The following AKT2 variants were observed in gnomAD, a reference collection of about 807,000 sequenced individuals.
The protein encoded by AKT2 is RAC-beta serine/threonine-protein kinase.
A neutral mutation model predicts 58.6 loss-of-function variants in AKT2; 16 were observed. The observed-to-expected ratio is 0.27, with a 90% CI of 0.18 to 0.41. The LOEUF (loss-of-function observed/expected upper bound fraction) is 0.41. Ranked by LOEUF, AKT2 falls within the 10% of genes least tolerant of loss-of-function variation. The pLI is 1.00. For missense variants in AKT2, 438 were observed against 661.0 expected, an observed-to-expected ratio of 0.66 and a Z score of 3.70; for synonymous variants, 253 against 254.0, an observed-to-expected ratio of 1.00 and a Z score of 0.04.
At position 40,238,800 on chromosome 19, in the gene AKT2, T is replaced by G; in HGVS notation, c.708+105A>C. 7.9e-7 allele frequency: 1 copy of G among 1,273,702 alleles called. No individual in the cohort carries two copies. The highest frequency in any genetic ancestry group is 1.1e-6 in the Non-Finnish European group (1 of 873,558). 78.9% of individuals were successfully genotyped at this position (1,273,702 alleles called of 1,614,324 possible). A position where few individuals can be genotyped will look rare whatever the true frequency, so the allele number is the denominator to read the frequency against. The stretch of plus-strand genomic sequence containing the variant: ...AAGGGAGAGGGGCACTAGATGACAC[T>G]GAAATTTCCCTCCACCCTTCCATCT... On this transcript the variant is annotated intron_variant, in intron 8 of 13. Transcript: ENST00000392038. This position sits in a 1 kb window ranked among gnomAD's most constrained non-coding sequence, Gnocchi z 5.1.
Position 40,265,678 on chromosome 19 carries a change from T to C in AKT2, c.-84-327A>G, listed in dbSNP as rs531154971. On this transcript the variant is annotated intron_variant, in intron 1 of 13. Transcript: ENST00000392038. ...AGCAAGCATCAAGGTAGCCGTGCCC[T>C]GCCCTCCCCGTGTCATTCCCATGGC... The C allele has an allele frequency of 6.6e-5, 22 of 335,686 alleles. 1 individual carries two copies. Among genetic ancestry groups the C allele is most frequent in the South Asian group, 6.3e-4 (22 of 34,796 alleles). 20.8% of individuals were successfully genotyped at this position (335,686 alleles called of 1,614,324 possible).
chr19:40,268,431 T>C (rs1211785646), intron 1 of AKT2, among the ~76,000 whole-genome samples: 1 of 152,060 alleles, frequency 6.6e-6, no homozygotes, highest in Non-Finnish European at 1.5e-5. Flanking sequence ...GTGGTCTGGG[T>C]TCCAGAGTCC....
At chr19:40,274,572 C>T (rs865949987) in intron 1 of AKT2, 9 of 164,020 alleles carry the variant, frequency 5.5e-5, no homozygotes, top group East Asian at 1.7e-4. Flanking sequence ...AAGGAGCACA[C>T]GGAAGATTCA....
chr19:40,279,317 C>G (rs1485840533), intron 1 of AKT2: 1 of 152,642 alleles, frequency 6.6e-6, no homozygotes, highest in Non-Finnish European at 1.5e-5. Context: ...CCACCCAGCG[C>G]CCCTCCCACA....
chr19:40,280,260 GT>G (rs1405310264), intron 1 of AKT2, among the ~76,000 whole-genome samples: 3 of 152,200 alleles, frequency 2.0e-5, no homozygotes, highest in Non-Finnish European at 4.4e-5. Flanking sequence ...GGCTGGTTGG[GT>G]TGGGGAGGAA....
chr19:40,281,640 TC>T (rs2077426075), intron 1 of AKT2, among the ~76,000 whole-genome samples: 1 of 152,190 alleles, frequency 6.6e-6, no homozygotes, highest in Non-Finnish European at 1.5e-5. Flanking sequence ...ATTGCATGTC[TC>T]CCCCGACCTC....
Position 40,232,379 on chromosome 19 carries a change from CGAG to C in AKT2, c.*1490_*1492del. ...TGCTTGTACCGTACAAATATGAAGA[CGAG>C]GAGAAAGGCCAGTAGGGACGGAGAA... On this transcript the variant is annotated 3_prime_UTR_variant, in exon 14 of 14. Transcript: ENST00000392038. 1 of 233,582 alleles carries C rather than the reference CGAG, an allele frequency of 4.3e-6. No individual in the cohort carries two copies. Among genetic ancestry groups the C allele is most frequent in the Non-Finnish European group, 8.5e-6 (1 of 118,076 alleles). The allele number at this position is 233,582 out of a possible 1,614,324, so 14.5% of individuals were successfully genotyped here. A position where few individuals can be genotyped will look rare whatever the true frequency, so the allele number is the denominator to read the frequency against.
intron 1 of AKT2, among the ~76,000 whole-genome samples, chr19:40,277,270 C>T (rs553814667): frequency 6.6e-6 from 1 of 152,330 alleles, no homozygotes; most frequent in African/African-American, 2.4e-5. Context: ...CAACATGCCC[C>T]TACTAACTTT....
chr19:40,258,018 G>T (rs1160678581), intron 2 of AKT2, among the ~76,000 whole-genome samples: 1 of 151,832 alleles, frequency 6.6e-6, no homozygotes, highest in Admixed American at 6.6e-5. Context: ...AGGCCGAGGC[G>T]AGCGGATCAC....
intron 6 of AKT2, chr19:40,240,750 A>T (rs1287502031): frequency 1.1e-5 from 2 of 178,526 alleles, no homozygotes; most frequent in Non-Finnish European, 2.4e-5. Flanking sequence ...GTTTATCCCC[A>T]GGGGACACCT....
chr19:40,247,578 C>T (rs1974832248), intron 4 of AKT2, among the ~76,000 whole-genome samples: 1 of 152,148 alleles, frequency 6.6e-6, no homozygotes. Flanking sequence ...TCATGGGACA[C>T]CCAGCCAGGG....
rs1168021842 is a variant in AKT2 at position 40,249,068 on chromosome 19, TGGA to T, written c.287+6087_287+6089del. On this transcript the variant is annotated intron_variant, in intron 4 of 13. Transcript: ENST00000392038. The stretch of plus-strand genomic sequence containing the variant: ...TGGAGGAGATGAGGACAGGGAGGAG[TGGA>T]GGAGATGAGGACAGGGAGGAGAGCA... Among the ~76,000 whole-genome samples, 4 of 142,114 alleles carry T rather than the reference TGGA, an allele frequency of 2.8e-5. No individual in the cohort carries two copies. The South Asian group carries it at 9.0e-4, about 32-fold the overall frequency. The allele number at this position is 142,114 out of a possible 152,430, so 93.2% of individuals were successfully genotyped here.
Position 40,242,113 on chromosome 19 carries a change from T to G in AKT2, c.442-44A>C. On this transcript the variant is annotated intron_variant, in intron 5 of 13. Transcript: ENST00000392038. The surrounding 1 kb of genome is among the most constrained non-coding windows in gnomAD (Gnocchi z 4.3). ...GTGGGGGCAGTCAGCGCCTGGCTCA[T>G]GGCCCGTGGGAGGAAATTTTAACAA... 2 of 1,613,432 alleles carry G rather than the reference T, an allele frequency of 1.2e-6. No individual in the cohort carries two copies. Among genetic ancestry groups the G allele is most frequent in the Non-Finnish European group, 1.7e-6 (2 of 1,179,804 alleles).
rs1599947245 is a variant in AKT2 at position 40,234,630 on chromosome 19, T to G, written c.1366+415A>C. 5 of 528,066 alleles carry G rather than the reference T, an allele frequency of 9.5e-6. No homozygotes were observed. In the South Asian group the frequency reaches 1.2e-4, roughly 12 times the overall value. 32.7% of individuals were successfully genotyped at this position (528,066 alleles called of 1,614,324 possible). ...CCCCAGTCCCTGGCCTCCCACGCCC[T>G]AGCCCTGACCACTCCAGGCCGCCCA... On this transcript the variant is annotated intron_variant, in intron 13 of 13. Coordinates refer to ENST00000392038, the MANE Select transcript of AKT2 (RefSeq NM_001626.6). The surrounding 1 kb of genome is among the most constrained non-coding windows in gnomAD (Gnocchi z 4.7).
intron 1 of AKT2, among the ~76,000 whole-genome samples, chr19:40,283,989 G>C (rs965215876): frequency 6.6e-6 from 1 of 152,182 alleles, no homozygotes; most frequent in African/African-American, 2.4e-5. Context: ...GTCTGCGTTG[G>C]TTCCTGGACC....
In AKT2 at chr19:40,242,393, T is replaced by G; in HGVS notation, c.441+141A>C. 1.5e-6 allele frequency: 2 copies of G among 1,361,188 alleles called. No individual in the cohort carries two copies. The highest frequency in any genetic ancestry group is 1.2e-5 in the South Asian group (1 of 85,082). 84.3% of individuals were successfully genotyped at this position (1,361,188 alleles called of 1,614,324 possible). On this transcript the variant is annotated intron_variant, in intron 5 of 13. Transcript: ENST00000392038. This position sits in a 1 kb window ranked among gnomAD's most constrained non-coding sequence, Gnocchi z 4.3. ...AGCACACCCTAGGGCACCTGCCACC[T>G]GAAATCACCCCACCCTGCAGGGCAG...
intron 1 of AKT2, among the ~76,000 whole-genome samples, chr19:40,276,441 C>A (rs1006648762): frequency 7.5e-6 from 1 of 132,852 alleles, no homozygotes; most frequent in Non-Finnish European, 1.5e-5. Flanking sequence ...TCTTGGCTCA[C>A]TGCAACCTCT....
intron 1 of AKT2, among the ~76,000 whole-genome samples, chr19:40,278,638 C>T (rs1397901982): frequency 1.3e-5 from 2 of 152,060 alleles, no homozygotes; most frequent in Non-Finnish European, 1.5e-5. Context: ...GGACCAACAA[C>T]GAGCCTGTGC....
At position 40,235,915 on chromosome 19, in the gene AKT2, G is replaced by T; in HGVS notation, c.1150C>A (p.Leu384Met). ...SPEAKSLLAG[L>M]LKKDPKQRLG... ...CTCTGCTTGGGGTCCTTCTTAAGCA[G>T]CCCAGCAAGCAGGGACTTGGCCTCG... The change falls in exon 11 of 14, where the codon CTG becomes ATG. Residue 384 changes from leucine to methionine, a missense_variant. Around this residue, in one of 3 missense-constraint regions of AKT2, gnomAD observed 148 missense variants for 199.5 expected, o/e 0.74. Transcript: ENST00000392038. The surrounding 1 kb of genome is among the most constrained non-coding windows in gnomAD (Gnocchi z 6.3). The T allele has an allele frequency of 6.2e-7, 1 of 1,612,788 alleles. No individual in the cohort carries two copies.
Sources: gnomAD v4.1 joint callset for allele counts (sites outside exome capture counted in the v4.1 genomes callset) on GRCh38, gnomAD v4.1.1 for gene constraint, gnomAD v4.1.1 regional missense constraint, Gnocchi (gnomAD v3.1) non-coding constraint, MANE v1.5 for transcripts, NCBI Gene and HGNC (gene_info 2026-07-23, HGNC 2026-07-21) for gene names.